HEATR1: variants seen among roughly 807,000 people sequenced by gnomAD.
HEATR1 encodes the protein HEAT repeat containing 1.
In HEATR1, 77 loss-of-function variants were observed where a neutral mutation model predicts 248.2. The observed-to-expected ratio is 0.31, with a 90% CI of 0.26 to 0.37. The LOEUF (loss-of-function observed/expected upper bound fraction) is 0.37. Among genes scored for constraint, HEATR1 ranks in the 10% least tolerant of loss-of-function variants. The probability of loss-of-function intolerance (pLI) is 1.00; values close to 1 mark genes in which losing one functional copy is unlikely to be tolerated. For missense variants in HEATR1, 2,420 were observed against 2,504.9 expected (o/e 0.97, Z 0.72); for synonymous variants, 897 against 923.1 (o/e 0.97, Z 0.51).
chr1:236,568,989 A>G lies in HEATR1; in HGVS notation c.4077+7T>C. 1 of 1,564,520 alleles carries G rather than the reference A, an allele frequency of 6.4e-7. No homozygotes were observed. Among genetic ancestry groups the G allele is most frequent in the Non-Finnish European group, 8.6e-7 (1 of 1,160,122 alleles). On this transcript the variant is annotated splice_region_variant and intron_variant, in intron 29 of 44. Transcript: ENST00000366582. ...AGAAACCCCACGATGGTATAAAGAG[A>G]CCTTACCTGAATAAGTGCGGGAATA...
rs183395034 is a variant in HEATR1 at position 236,601,120 on chromosome 1, C to T, written c.360-1496G>A. ...TGCTAGAAAACAGATGGAAATATTA[C>T]AGACTTTTAAATATTCTTTGTCTGA... On this transcript the variant is annotated intron_variant, in intron 3 of 44. Coordinates refer to ENST00000366582, the MANE Select transcript of HEATR1 (RefSeq NM_018072.6). Among the ~76,000 whole-genome samples, 27 of 152,300 alleles carry T rather than the reference C, an allele frequency of 1.8e-4. No homozygotes were observed. The East Asian group carries it at 4.6e-3, about 26-fold the overall frequency.
rs547086322 is a variant in HEATR1 at position 236,550,544 on chromosome 1, C to G, written c.*358G>C. The G allele has an allele frequency of 3.1e-3, 616 of 195,680 alleles. 7 individuals are homozygous for G. Among genetic ancestry groups the G allele is most frequent in the African/African-American group, 0.014 (587 of 43,054 alleles). The allele number at this position is 195,680 out of a possible 1,614,324, so 12.1% of individuals were successfully genotyped here. ...ACCATGTATGTAAGATACTGCTGTA[C>G]AGAAGAGTTAAGGCTTACAGTGCAA... is the stretch of plus-strand genomic sequence containing the variant. On this transcript the variant is annotated 3_prime_UTR_variant, in exon 45 of 45. Transcript: ENST00000366582.
At chr1:236,579,734 T>C (rs1304505418) in intron 20 of HEATR1, among the ~76,000 whole-genome samples, 1 of 152,274 alleles carries the variant, frequency 6.6e-6, no homozygotes, top group African/African-American at 2.4e-5. Context: ...AAATTACTTT[T>C]GTGGAATTTT....
chr1:236,563,759 T>C (rs1663198156), intron 32 of HEATR1, among the ~76,000 whole-genome samples: 1 of 152,216 alleles, frequency 6.6e-6, no homozygotes, highest in Admixed American at 6.5e-5. Flanking sequence ...TCTCATTGTT[T>C]AAACAAGTTT....
chr1:236,592,711 T>C (rs1009436707), intron 9 of HEATR1, 78 bp from the exon 10 acceptor site: 2 of 598,642 alleles, frequency 3.3e-6, no homozygotes, highest in East Asian at 2.9e-5. Flanking sequence ...CTAAGTGCTT[T>C]AGAAATATTA....
intron 28 of HEATR1, among the ~76,000 whole-genome samples, chr1:236,569,699 T>C (rs1241540118): frequency 6.6e-6 from 1 of 152,156 alleles, no homozygotes; most frequent in African/African-American, 2.4e-5. Context: ...CAAAATGGTG[T>C]GGCCACTATG....
intron 28 of HEATR1, among the ~76,000 whole-genome samples, chr1:236,569,730 C>T (rs1484950070): frequency 6.6e-6 from 1 of 152,140 alleles, no homozygotes; most frequent in African/African-American, 2.4e-5. Context: ...TTGCAAGTTA[C>T]TCCAAAGCTA....
chr1:236,561,615 G>C (rs549386829), intron 32 of HEATR1, among the ~76,000 whole-genome samples: 50 of 152,224 alleles, frequency 3.3e-4, no homozygotes, highest in African/African-American at 1.2e-3. Context: ...GATTCAGCTG[G>C]AATCCCCCAA....
chr1:236,598,634 G>A (rs1664236873), intron 4 of HEATR1, among the ~76,000 whole-genome samples: 1 of 152,182 alleles, frequency 6.6e-6, no homozygotes, highest in Non-Finnish European at 1.5e-5. Context: ...ACATTCTTTA[G>A]TTCAAGTGCT....
intron 9 of HEATR1, among the ~76,000 whole-genome samples, chr1:236,592,913 T>C (rs2853587): frequency 0.6 from 90,577 of 151,924 alleles, 28,676 homozygotes; most frequent in East Asian, 0.72. Context: ...ACATTGCTAT[T>C]TTAAATGGTG....
chr1:236,584,082 G>A (rs888450887), intron 17 of HEATR1, among the ~76,000 whole-genome samples: 12 of 152,110 alleles, frequency 7.9e-5, no homozygotes, highest in African/African-American at 2.4e-4. Flanking sequence ...ACAATGTAAC[G>A]TCTCCAGTGA....
Position 236,572,444 on chromosome 1 carries a change from A to G in HEATR1, c.3674T>C (p.Ile1225Thr). 1 of 1,614,126 alleles carries G rather than the reference A, an allele frequency of 6.2e-7. No homozygotes were observed. The highest frequency in any genetic ancestry group is 8.5e-7 in the Non-Finnish European group (1 of 1,179,970). ...QHKKKLRSPQ[I>T]LVPTLFNLLS... ...CAAGTTAAAAAGAGTTGGCACCAATATCTGAGGACTTCTGAGCTTCTTTTT... is the reference window on the plus strand; with the variant it reads ...CAAGTTAAAAAGAGTTGGCACCAATGTCTGAGGACTTCTGAGCTTCTTTTT... Residue 1225 changes from isoleucine (I) to threonine (T), a missense_variant, in exon 26 of 45, where the codon ATA (isoleucine) becomes ACA (threonine). Transcript: ENST00000366582.
Position 236,564,520 on chromosome 1 carries a change from G to C in HEATR1, c.4577C>G (p.Ser1526Cys), listed in dbSNP as rs753240557. The C allele has an allele frequency of 8.1e-6, 13 of 1,613,506 alleles. No individual in the cohort carries two copies. Among genetic ancestry groups the C allele is most frequent in the Non-Finnish European group, 1.0e-5 (12 of 1,179,910 alleles). ...LSVSFMSQLLSSNNFLKKVVE... is the reference protein window; with the variant it reads ...LSVSFMSQLLCSNNFLKKVVE... Reference sequence around the variant, plus strand: ...TACCTTTTTCAGAAAATTATTGGAAGACAGGAGCTGAGACATGAAGGACAC... The same window carrying C: ...TACCTTTTTCAGAAAATTATTGGAACACAGGAGCTGAGACATGAAGGACAC... The change falls in exon 32 of 45, where the codon TCT becomes TGT. Residue 1526 changes from serine to cysteine, a missense_variant. Coordinates refer to ENST00000366582, the MANE Select transcript of HEATR1 (RefSeq NM_018072.6).
rs781334278 is a variant in HEATR1 at position 236,566,750 on chromosome 1, G to C, written c.4204C>G (p.Leu1402Val). Residue 1402 changes from leucine (L) to valine (V), a missense_variant, in exon 30 of 45, where the codon CTT becomes GTT. By Grantham distance (32) the Leu-to-Val change is conservative. Transcript: ENST00000366582. ...TTCTCTGCACCCAGTGTATCAACAAGTTGAACAAGGATGGGCAGGCGCCTG... is the reference window on the plus strand; with the variant it reads ...TTCTCTGCACCCAGTGTATCAACAACTTGAACAAGGATGGGCAGGCGCCTG... The part of the protein sequence containing the change: ...EHRRLPILVQ[L>V]VDTLGAEKFL... 1 of 1,614,148 alleles carries C rather than the reference G, an allele frequency of 6.2e-7. No homozygotes were observed. The highest frequency in any genetic ancestry group is 1.1e-5 in the South Asian group (1 of 91,078).
intron 4 of HEATR1, among the ~76,000 whole-genome samples, chr1:236,598,668 C>A (rs1664238626): frequency 6.6e-6 from 1 of 152,144 alleles, no homozygotes; most frequent in East Asian, 1.9e-4. Context: ...CTTAAATTCT[C>A]CTTCTAATTA....
chr1:236,557,376 T>G (rs377140317), intron 36 of HEATR1, 31 bp from the exon 37 acceptor site: 5 of 1,609,232 alleles, frequency 3.1e-6, no homozygotes, highest in African/African-American at 2.7e-5. Flanking sequence ...TTAGAAGAAC[T>G]TGAAGCAGAA....
At position 236,574,741 on chromosome 1, in the gene HEATR1, C is replaced by G. The variant is rs1195526194; in HGVS notation, c.3247G>C (p.Asp1083His). The change falls in exon 23 of 45, where the codon GAT (aspartate) becomes CAT (histidine). Residue 1083 changes from aspartate to histidine, a missense_variant. Coordinates refer to ENST00000366582, the MANE Select transcript of HEATR1 (RefSeq NM_018072.6). The part of the protein sequence containing the change: ...SLLNEDPKSL[D>H]IFIKAVHTTK... ...GTGTGCACAGCTTTTATAAATATAT[C>G]TAGACTCTTCGGATCCTCATTTAAA... The G allele has an allele frequency of 1.9e-6, 3 of 1,613,802 alleles. No individual in the cohort carries two copies. In the African/African-American group the frequency reaches 4.0e-5, roughly 22 times the overall value.
At chr1:236,575,772 G>C (rs1214114413) in intron 22 of HEATR1, among the ~76,000 whole-genome samples, 1 of 152,132 alleles carries the variant, frequency 6.6e-6, no homozygotes, top group Admixed American at 6.5e-5. Context: ...GCTTTCTTTT[G>C]TAACACAAGC....
intron 43 of HEATR1, 89 bp from the exon 44 acceptor site, chr1:236,552,196 CT>C: frequency 1.2e-6 from 1 of 813,538 alleles, no homozygotes; most frequent in Non-Finnish European, 2.0e-6. Context: ...CAAGCTCTAA[CT>C]TTTTAAACAT....
Sources: allele counts gnomAD v4.1 joint callset (sites outside exome capture counted in the v4.1 genomes callset), GRCh38; gene constraint gnomAD v4.1.1; transcripts MANE v1.5; gene names NCBI Gene and HGNC (gene_info 2026-07-23, HGNC 2026-07-21).